Variants in DCTN2 observed in about 807,000 individuals in gnomAD.
The protein encoded by DCTN2 is dynactin subunit 2.
In DCTN2, 18 loss-of-function variants were observed where a neutral mutation model predicts 55.4. The observed-to-expected ratio is 0.32, with a 90% confidence interval of 0.22 to 0.48. The LOEUF is 0.48. Among genes scored for constraint, DCTN2 ranks in the 20% least tolerant of loss-of-function variants. DCTN2 has a pLI of 0.99. For synonymous variants in DCTN2, 168 were observed against 185.2 expected, an observed-to-expected ratio of 0.91 and a Z score of 0.76; for missense variants, 390 against 491.0, an observed-to-expected ratio of 0.79 and a Z score of 1.94.
rs1335263074 is a variant in DCTN2, at chr12:57,538,450, A to G, written c.106-2605T>C. ...GAATGAAAGATTTAGTAGAGTCTAA[A>G]GGACAGAGAAACAACTGCTCATCAT... On this transcript the variant is annotated intron_variant, in intron 2 of 13. Transcript: ENST00000548249. 3 of 743,328 alleles carry G rather than the reference A, an allele frequency of 4.0e-6. No individual in the cohort carries two copies. The South Asian group carries it at 4.2e-5, about 11-fold the overall frequency. The allele number at this position is 743,328 out of a possible 1,614,324, so 46.0% of individuals were successfully genotyped here.
rs538444000 is a variant in DCTN2, at chr12:57,534,908, G to T, written c.363+148C>A. On this transcript the variant is annotated intron_variant, in intron 5 of 13. Transcript: ENST00000548249. ...TGGTCTTGAACTCCTGACCTCAGGT[G>T]ATCCGCCTGCCTCGGCCTCCCAAAG... 8 of 605,282 alleles carry T rather than the reference G, an allele frequency of 1.3e-5. No individual in the cohort carries two copies. In the African/African-American group the frequency reaches 1.5e-4, roughly 11 times the overall value. The allele number at this position is 605,282 out of a possible 1,614,324, so 37.5% of individuals were successfully genotyped here.
chr12:57,543,801 C>G, intron 2 of DCTN2: 1 of 1,289,364 alleles, frequency 7.8e-7, no homozygotes, highest in South Asian at 1.2e-5. Flanking sequence ...ATATGCACTT[C>G]TATACTGGCA....
chr12:57,544,017 A>G (rs930241290), intron 2 of DCTN2: 5 of 428,874 alleles, frequency 1.2e-5, no homozygotes, highest in South Asian at 8.2e-5. Flanking sequence ...GGGAATGACA[A>G]TATGTATTTT....
intron 5 of DCTN2, 162 bp from the exon 6 acceptor site, chr12:57,534,614 ATATTT>A: frequency 1.3e-5 from 8 of 609,604 alleles, no homozygotes; most frequent in Non-Finnish European, 2.2e-5. Flanking sequence ...AGATGGATGC[ATATTT>A]GTAAACTCTG....
rs1184963118 is a variant in DCTN2 at position 57,533,308 on chromosome 12, T to C, written c.670-5A>G. 6.2e-7 allele frequency: 1 copy of C among 1,613,684 alleles called. No individual in the cohort carries two copies. The highest frequency in any genetic ancestry group is 1.7e-5 in the Admixed American group (1 of 59,992). On this transcript the variant is annotated splice_polypyrimidine_tract_variant and splice_region_variant and intron_variant, in intron 7 of 13. Transcript: ENST00000548249. ...GCGCTTTTCAAGTTCTGCGACCTAG[T>C]GGGAGGAAGGAGGTGAGATTTGCCA...
At chr12:57,536,401 G>A (rs560952887) in intron 2 of DCTN2, among the ~76,000 whole-genome samples, 1 of 152,328 alleles carries the variant, frequency 6.6e-6, no homozygotes, top group Non-Finnish European at 1.5e-5. Flanking sequence ...CTGACCAGAA[G>A]CCTGATTTCC....
chr12:57,530,936 A>G (rs1257078162), intron 13 of DCTN2, among the ~76,000 whole-genome samples, 161 bp from the exon 14 acceptor site: 1 of 152,204 alleles, frequency 6.6e-6, no homozygotes, highest in African/African-American at 2.4e-5. Context: ...CTACCCTTAG[A>G]GTACATAGAC....
intron 2 of DCTN2, among the ~76,000 whole-genome samples, chr12:57,542,534 C>G (rs1669309610): frequency 6.6e-6 from 1 of 152,018 alleles, no homozygotes; most frequent in Non-Finnish European, 1.5e-5. Flanking sequence ...AATCTGGAGA[C>G]CCGGCTGGCA....
Position 57,530,585 on chromosome 12 carries a change from G to A in DCTN2, c.*104C>T. On this transcript the variant is annotated 3_prime_UTR_variant, in exon 14 of 14. Transcript: ENST00000548249. ...AGAACCCTTGCCCCCAGTGTCAAAT[G>A]GGATGGGGATGCTAGAGTTATAGTA... 1.0e-6 allele frequency: 1 copy of A among 1,003,950 alleles called. No homozygotes were observed. Among genetic ancestry groups the A allele is most frequent in the Non-Finnish European group, 1.5e-6 (1 of 663,280 alleles). The allele number at this position is 1,003,950 out of a possible 1,614,324, so 62.2% of individuals were successfully genotyped here.
At chr12:57,538,462 C>T in intron 2 of DCTN2, 1 of 752,318 alleles carries the variant, frequency 1.3e-6, no homozygotes, top group Non-Finnish European at 2.4e-6. Context: ...GACAGAGAAA[C>T]AACTGCTCAT....
intron 4 of DCTN2, 108 bp from the exon 5 acceptor site, chr12:57,535,262 A>G (rs1406021018): frequency 9.8e-7 from 1 of 1,023,122 alleles, no homozygotes; most frequent in African/African-American, 1.6e-5. Flanking sequence ...CCAATTGAGA[A>G]TCCACAACAC....
At position 57,534,304 on chromosome 12, in the gene DCTN2, C is replaced by G. The variant is rs767401276; in HGVS notation, c.512G>C (p.Gly171Ala). The G allele has an allele frequency of 6.3e-7, 1 of 1,593,200 alleles. No individual in the cohort carries two copies. Among genetic ancestry groups the G allele is most frequent in the African/African-American group, 1.3e-5 (1 of 74,450 alleles). The change falls in exon 6 of 14, where the codon GGC (glycine) becomes GCC (alanine). Residue 171 changes from glycine to alanine, a missense_variant. Physicochemically the swap from Gly to Ala is moderately conservative, Grantham distance 60. Transcript: ENST00000548249. ...DAAINLTDPD[G>A]ALAKRLLLQL... Reference sequence around the variant, plus strand: ...GTAGGGTACCCACTTAGCCAGGGCGCCATCGGGGTCGGTAAGGTTGATTGC... The same window carrying G: ...GTAGGGTACCCACTTAGCCAGGGCGGCATCGGGGTCGGTAAGGTTGATTGC...
rs572558680 is a variant in DCTN2, at chr12:57,543,327, C to T, written c.105+2701G>A. ...TCACGCCACTGCACTCCAGCCTGGG[C>T]GACAGAGTGAGACTCCGTCTCAAAA... On this transcript the variant is annotated intron_variant, in intron 2 of 13. Transcript: ENST00000548249. The T allele has an allele frequency of 5.5e-4, 86 of 157,550 alleles. No homozygotes were observed. In the South Asian group the frequency reaches 9.0e-3, roughly 17 times the overall value. 9.8% of individuals were successfully genotyped at this position (157,550 alleles called of 1,614,324 possible).
At chr12:57,536,312 T>C (rs1880228930) in intron 2 of DCTN2, among the ~76,000 whole-genome samples, 4 of 152,166 alleles carry the variant, frequency 2.6e-5, no homozygotes, top group Admixed American at 2.0e-4. Context: ...CCACTAACAC[T>C]GAGTGTGAAT....
At chr12:57,543,098 C>T in intron 2 of DCTN2, 1 of 447,112 alleles carries the variant, frequency 2.2e-6, no homozygotes, top group Non-Finnish European at 4.5e-6. Flanking sequence ...GTCTGTAATC[C>T]CAGCACTTTG....
Position 57,534,462 on chromosome 12 carries a change from A to C in DCTN2, c.364-10T>G. On this transcript the variant is annotated splice_polypyrimidine_tract_variant and intron_variant, in intron 5 of 13. Transcript: ENST00000548249. Reference sequence around the variant, plus strand: ...ACTCCTTCACTGTCGTCTAGTATGAAAAAAGGTAGAAATCGGGGGATGGCA... The same window carrying C: ...ACTCCTTCACTGTCGTCTAGTATGACAAAAGGTAGAAATCGGGGGATGGCA... The C allele has an allele frequency of 6.4e-7, 1 of 1,571,530 alleles. No homozygotes were observed. Among genetic ancestry groups the C allele is most frequent in the South Asian group, 1.2e-5 (1 of 86,294 alleles).
chr12:57,542,803 A>G, intron 2 of DCTN2: 1 of 455,952 alleles, frequency 2.2e-6, no homozygotes, highest in South Asian at 1.5e-5. Context: ...TGGGGGAAAG[A>G]GTGAGACTCT....
rs779229455 is a variant in DCTN2 at position 57,534,302 on chromosome 12, C to T, written c.514G>A (p.Ala172Thr). 5.7e-6 allele frequency: 9 copies of T among 1,591,774 alleles called. No homozygotes were observed. Among genetic ancestry groups the T allele is most frequent in the African/African-American group, 1.3e-5 (1 of 74,314 alleles). ...AAGTAGGGTACCCACTTAGCCAGGGCGCCATCGGGGTCGGTAAGGTTGATT... is the reference window on the plus strand; with the variant it reads ...AAGTAGGGTACCCACTTAGCCAGGGTGCCATCGGGGTCGGTAAGGTTGATT... ...AAINLTDPDGALAKRLLLQLE... is the reference protein window; with the variant it reads ...AAINLTDPDGTLAKRLLLQLE... Residue 172 changes from alanine (A) to threonine (T), a missense_variant, in exon 6 of 14, where the codon GCC becomes ACC. By Grantham distance (58) the Ala-to-Thr change is moderately conservative. Around this residue, in one of 2 missense-constraint regions of DCTN2, gnomAD observed 273 missense variants for 303.2 expected, o/e 0.90. Transcript: ENST00000548249.
intron 2 of DCTN2, among the ~76,000 whole-genome samples, chr12:57,536,630 T>A (rs1880256516): frequency 6.6e-6 from 1 of 152,228 alleles, no homozygotes; most frequent in Non-Finnish European, 1.5e-5. Context: ...TCCTCTGCTA[T>A]GCTTTAAGCA....
Sources: allele counts gnomAD v4.1 joint callset (sites outside exome capture counted in the v4.1 genomes callset), GRCh38; gene constraint gnomAD v4.1.1; regional missense constraint gnomAD v4.1.1; transcripts MANE v1.5; gene names NCBI Gene and HGNC (gene_info 2026-07-23, HGNC 2026-07-21).